Variants in ADAM17 observed in about 807,000 individuals in gnomAD.
ADAM17 encodes ADAM metallopeptidase domain 17.
Under a neutral mutation model 96.7 loss-of-function variants are expected in ADAM17, and 39 were observed. The ratio of observed to expected loss-of-function variants is 0.40; its 90% CI spans 0.31 to 0.53. The LOEUF is 0.53. Ranked by LOEUF, ADAM17 falls within the 20% of genes least tolerant of loss-of-function variation. The pLI is 0.44. For missense variants in ADAM17, 777 were observed against 1,013.2 expected (o/e 0.77, Z 3.17); for synonymous variants, 344 against 359.2 (o/e 0.96, Z 0.48).
At chr2:9,493,105 G>C in intron 16 of ADAM17, 119 bp from the exon 17 acceptor site, 2 of 773,896 alleles carry the variant, frequency 2.6e-6, no homozygotes, top group Non-Finnish European at 2.1e-6. Context: ...ACATACTACC[G>C]AGAGCAGAAT....
chr2:9,548,557 G>A (rs746965249), intron 1 of ADAM17, among the ~76,000 whole-genome samples: 3 of 151,770 alleles, frequency 2.0e-5, no homozygotes, highest in Non-Finnish European at 2.9e-5. Flanking sequence ...AGATTCTGGA[G>A]TTTTGAATGA....
At chr2:9,529,389 T>A (rs534949785) in intron 4 of ADAM17, among the ~76,000 whole-genome samples, 1 of 152,060 alleles carries the variant, frequency 6.6e-6, no homozygotes, top group East Asian at 1.9e-4. Flanking sequence ...AGGCAAAAGT[T>A]GCAGTGAGCT....
chr2:9,546,136 T>C (rs1048946336), intron 1 of ADAM17, among the ~76,000 whole-genome samples: 4 of 151,232 alleles, frequency 2.6e-5, no homozygotes, highest in Non-Finnish European at 4.4e-5. Flanking sequence ...AAAATACATA[T>C]GTTATAATGT....
intron 13 of ADAM17, 151 bp from the exon 14 acceptor site, chr2:9,497,399 A>G (rs1558496958): frequency 2.0e-6 from 2 of 992,020 alleles, no homozygotes; most frequent in Non-Finnish European, 2.9e-6. Context: ...CCTGCATCTC[A>G]CCAGCAATCA....
intron 2 of ADAM17, 48 bp downstream of exon 2, chr2:9,543,105 A>C (rs764759343): frequency 2.0e-6 from 3 of 1,509,774 alleles, no homozygotes; most frequent in Admixed American, 2.4e-5. Flanking sequence ...TTTTTGCCAA[A>C]CCAAGCCCCC....
At position 9,541,556 on chromosome 2, in the gene ADAM17, C is replaced by A. The variant is rs10205460; in HGVS notation, c.230+1597G>T. 8.4e-3 allele frequency among the ~76,000 whole-genome samples: 1,286 copies of A among 152,254 alleles called. 14 individuals carry two copies. The highest frequency in any genetic ancestry group is 0.03 in the African/African-American group (1,230 of 41,546). ...CCAGTCTGGGCGACAAGAGCAAAAA[C>A]TCTGTCTCAAAAAACAAAAAACAAA... On this transcript the variant is annotated intron_variant, in intron 2 of 18. Transcript: ENST00000310823.
chr2:9,508,229 AG>A, intron 11 of ADAM17, among the ~76,000 whole-genome samples: 1 of 152,184 alleles, frequency 6.6e-6, no homozygotes, highest in East Asian at 1.9e-4. Context: ...TTTTGTTCCT[AG>A]TCACATATTT....
At chr2:9,536,882 T>A (rs1416133574) in intron 2 of ADAM17, 54 bp from the exon 3 acceptor site, 1 of 1,576,402 alleles carries the variant, frequency 6.3e-7, no homozygotes, top group African/African-American at 1.4e-5. Context: ...TTAAGTCTCA[T>A]TTTCACATAA....
At chr2:9,549,159 G>A (rs1216076231) in intron 1 of ADAM17, among the ~76,000 whole-genome samples, 2 of 152,116 alleles carry the variant, frequency 1.3e-5, no homozygotes, top group East Asian at 3.9e-4. Context: ...GATCACAAGG[G>A]TGGGAGTTCA....
chr2:9,521,941 G>C (rs1664332162), intron 7 of ADAM17: 1 of 152,300 alleles, frequency 6.6e-6, no homozygotes, highest in Admixed American at 6.6e-5. Flanking sequence ...AGTTTTGATG[G>C]TGGCTGGTCA....
chr2:9,536,626 A>G, intron 3 of ADAM17, 72 bp downstream of exon 3: 2 of 1,585,972 alleles, frequency 1.3e-6, no homozygotes, highest in East Asian at 4.5e-5. Context: ...CCAGAAAAGA[A>G]TATGCAATCA....
At chr2:9,555,446 C>T (rs1665712680) in intron 1 of ADAM17, 63 bp downstream of exon 1, 32 of 1,416,418 alleles carry the variant, frequency 2.3e-5, no homozygotes, top group Non-Finnish European at 2.9e-5. Context: ...ACCCAGCTCC[C>T]CTGCTCTTCC....
At position 9,489,622 on chromosome 2, in the gene ADAM17, A is replaced by G. The variant is rs1036700330; in HGVS notation, c.*555T>C. The G allele has an allele frequency of 2.1e-4, 31 of 151,158 alleles. No individual in the cohort carries two copies. The highest frequency in any genetic ancestry group is 4.0e-4 in the Non-Finnish European group (27 of 67,924). The allele number at this position is 151,158 out of a possible 1,614,324, so 9.4% of individuals were successfully genotyped here. A position where few individuals can be genotyped will look rare whatever the true frequency, so the allele number is the denominator to read the frequency against. ...CCAAATGATTTCTAAATTTAGATAT[A>G]TATTTTCCCTGCTACATAAAAACTC... On this transcript the variant is annotated 3_prime_UTR_variant, in exon 19 of 19. Coordinates refer to ENST00000310823, the MANE Select transcript of ADAM17 (RefSeq NM_003183.6).
In ADAM17 at chr2:9,497,614, G is replaced by GAC. The variant is rs1378778192; in HGVS notation, c.1649-368_1649-367dup. Reference sequence around the variant, plus strand: ...TCCACGGCCTTCCCTATCTGGCCCTGACTTCATCGCACACAACTCTCCCAC... The same window carrying GAC: ...TCCACGGCCTTCCCTATCTGGCCCTGACACTTCATCGCACACAACTCTCCCAC... On this transcript the variant is annotated intron_variant, in intron 13 of 18. Transcript: ENST00000310823. Among the ~76,000 whole-genome samples, 6 of 152,316 alleles carry GAC rather than the reference G, an allele frequency of 3.9e-5. No individual in the cohort carries two copies. The South Asian group carries it at 1.2e-3, about 32-fold the overall frequency.
At chr2:9,526,854 G>A (rs1194796944) in intron 5 of ADAM17, among the ~76,000 whole-genome samples, 1 of 152,038 alleles carries the variant, frequency 6.6e-6, no homozygotes. Flanking sequence ...CTAATGCTGG[G>A]CTATGAAGCT....
chr2:9,499,695 C>G (rs1297269013), intron 13 of ADAM17, among the ~76,000 whole-genome samples: 1 of 152,126 alleles, frequency 6.6e-6, no homozygotes, highest in East Asian at 1.9e-4. Flanking sequence ...AGCCACTGTG[C>G]CGGGCCATCA....
intron 13 of ADAM17, among the ~76,000 whole-genome samples, chr2:9,499,454 T>C (rs1662865586): frequency 6.6e-6 from 1 of 152,048 alleles, no homozygotes; most frequent in African/African-American, 2.4e-5. Flanking sequence ...CAGGCTGGAG[T>C]GCAGTGGCGT....
chr2:9,501,557 C>T (rs1193909349), intron 13 of ADAM17, among the ~76,000 whole-genome samples: 1 of 152,130 alleles, frequency 6.6e-6, no homozygotes, highest in East Asian at 1.9e-4. Context: ...TAAAACACAG[C>T]CAATCATATA....
chr2:9,505,056 C>A, intron 12 of ADAM17, 110 bp downstream of exon 12: 1 of 1,214,210 alleles, frequency 8.2e-7, no homozygotes, highest in African/African-American at 1.5e-5. Context: ...TAAACAAACA[C>A]ACTCACACCC....
Sources: gnomAD v4.1 joint callset for allele counts (sites outside exome capture counted in the v4.1 genomes callset) on GRCh38, gnomAD v4.1.1 for gene constraint, MANE v1.5 for transcripts, NCBI Gene and HGNC (gene_info 2026-07-23, HGNC 2026-07-21) for gene names.